Variants in CA10 observed in about 807,000 individuals in gnomAD.
The protein encoded by CA10 is carbonic anhydrase 10 (inactive), also known as carbonic anhydrase-related protein 10.
CA10 carries 14 observed loss-of-function variants against 44.2 expected under a neutral mutation model. That is an observed-to-expected ratio of 0.32 (90% CI 0.21 to 0.50). The LOEUF is 0.50. Ranked by LOEUF, CA10 falls within the 20% of genes least tolerant of loss-of-function variation. The pLI, the probability that CA10 is intolerant of heterozygous loss-of-function variation, is 0.99. For missense variants in CA10, 350 were observed against 409.7 expected (o/e 0.85, Z 1.26); for synonymous variants, 159 against 141.6 (o/e 1.12, Z -0.87).
At chr17:51,668,512 A>C (rs1175563881) in intron 4 of CA10, among the ~76,000 whole-genome samples, 1 of 152,228 alleles carries the variant, frequency 6.6e-6, no homozygotes, top group East Asian at 1.9e-4. Flanking sequence ...CTAGACTTAA[A>C]TTCAGGTCTC....
intron 1 of CA10, among the ~76,000 whole-genome samples, chr17:52,081,799 CAAAAAA>C (rs10707842): frequency 1.3e-5 from 1 of 78,330 alleles, no homozygotes; most frequent in Non-Finnish European, 2.6e-5. Flanking sequence ...GACTCCGTCT[CAAAAAA>C]AAAAAAAAAA....
At chr17:51,650,566 G>GA (rs1187929912) in intron 5 of CA10, among the ~76,000 whole-genome samples, 2 of 152,082 alleles carry the variant, frequency 1.3e-5, no homozygotes, top group Non-Finnish European at 2.9e-5. Context: ...TCCCTAAATA[G>GA]AAAAAGTCCC....
chr17:52,006,369 T>C (rs1213312627), intron 2 of CA10, among the ~76,000 whole-genome samples: 2 of 151,882 alleles, frequency 1.3e-5, no homozygotes, highest in African/African-American at 4.8e-5. Context: ...AATAAAAATT[T>C]CATAAAATTT....
At chr17:52,123,631 G>A (rs1454175732) in intron 1 of CA10, among the ~76,000 whole-genome samples, 5 of 152,128 alleles carry the variant, frequency 3.3e-5, no homozygotes, top group Middle Eastern at 3.2e-3. Context: ...GCCATTGATC[G>A]AAGCCTGACA....
At chr17:52,044,678 T>A (rs962776705) in intron 2 of CA10, among the ~76,000 whole-genome samples, 1 of 152,026 alleles carries the variant, frequency 6.6e-6, no homozygotes, top group Non-Finnish European at 1.5e-5. Context: ...AATTTAAATA[T>A]CTGAAATGAA....
intron 2 of CA10, among the ~76,000 whole-genome samples, chr17:52,047,419 T>C (rs1012374639): frequency 2.0e-5 from 3 of 152,030 alleles, no homozygotes; most frequent in Non-Finnish European, 4.4e-5. Flanking sequence ...AAATTTGAAA[T>C]TAAAGAATTT....
chr17:51,951,876 A>C (rs74665914), intron 2 of CA10, among the ~76,000 whole-genome samples: 6,140 of 152,232 alleles, frequency 0.04, 164 homozygotes, highest in South Asian at 0.12. Flanking sequence ...ATCCAGGAGG[A>C]AACATTCTGT....
At chr17:51,960,423 CA>C (rs1004834126) in intron 2 of CA10, among the ~76,000 whole-genome samples, 23 of 148,010 alleles carry the variant, frequency 1.6e-4, no homozygotes, top group Admixed American at 9.4e-4. Flanking sequence ...CCCCCACCAC[CA>C]AAAAAAAAAT....
intron 2 of CA10, among the ~76,000 whole-genome samples, chr17:52,002,860 T>C (rs1985473323): frequency 6.6e-6 from 1 of 151,966 alleles, no homozygotes; most frequent in African/African-American, 2.4e-5. Context: ...ATGAAAAAGT[T>C]GTGACTGAGA....
At chr17:51,859,614 C>T (rs1212747823) in intron 3 of CA10, among the ~76,000 whole-genome samples, 7 of 152,090 alleles carry the variant, frequency 4.6e-5, no homozygotes, top group Non-Finnish European at 7.3e-5. Context: ...GAGTTCAAGT[C>T]CTGGATCTAC....
chr17:51,978,382 ATG>A (rs56108471), intron 2 of CA10, among the ~76,000 whole-genome samples: 1,968 of 141,432 alleles, frequency 0.014, 22 homozygotes, highest in African/African-American at 0.035. Flanking sequence ...GTGTGTCTGT[ATG>A]TGTGTGTGTG....
intron 2 of CA10, among the ~76,000 whole-genome samples, chr17:51,952,938 G>C (rs1436712311): frequency 1.3e-5 from 2 of 152,070 alleles, no homozygotes; most frequent in Non-Finnish European, 2.9e-5. Flanking sequence ...GCTTTGTGGA[G>C]GTCATTCAAA....
chr17:51,913,283 G>T (rs568306081), intron 3 of CA10, among the ~76,000 whole-genome samples: 3 of 152,250 alleles, frequency 2.0e-5, no homozygotes, highest in Admixed American at 6.5e-5. Context: ...AGAAAAGCAG[G>T]GGGGAGGAAA....
chr17:51,746,523 C>T (rs1191389671), intron 4 of CA10, among the ~76,000 whole-genome samples: 1 of 152,202 alleles, frequency 6.6e-6, no homozygotes, highest in Non-Finnish European at 1.5e-5. Flanking sequence ...TTCTCCTGAC[C>T]CCTTCAAGCA....
At chr17:51,799,405 T>A (rs1906841432) in intron 3 of CA10, among the ~76,000 whole-genome samples, 2 of 152,174 alleles carry the variant, frequency 1.3e-5, no homozygotes, top group Admixed American at 1.3e-4. Flanking sequence ...TGTTTGCTCA[T>A]CTATCTGGGG....
chr17:51,947,871 T>G (rs143760088), intron 2 of CA10, among the ~76,000 whole-genome samples: 67 of 152,032 alleles, frequency 4.4e-4, no homozygotes, highest in African/African-American at 1.5e-3. Flanking sequence ...AGTTGTGAGG[T>G]TCCCCTCTTA....
At chr17:52,089,307 G>C (rs1335126047) in intron 1 of CA10, among the ~76,000 whole-genome samples, 1 of 152,212 alleles carries the variant, frequency 6.6e-6, no homozygotes, top group Non-Finnish European at 1.5e-5. Flanking sequence ...ATGTGTGAAA[G>C]TGTCACCACA....
chr17:51,632,755 C>A (rs1351650139), intron 8 of CA10, among the ~76,000 whole-genome samples: 1 of 152,200 alleles, frequency 6.6e-6, no homozygotes, highest in East Asian at 1.9e-4. Flanking sequence ...CTTCCTCCAT[C>A]TTTCTTTCCA....
At chr17:51,726,191 T>C (rs1916515378) in intron 4 of CA10, among the ~76,000 whole-genome samples, 1 of 152,180 alleles carries the variant, frequency 6.6e-6, no homozygotes, top group South Asian at 2.1e-4. Context: ...TCATTCTCTG[T>C]TTATGTAAAT....
Sources: allele counts gnomAD v4.1 joint callset (sites outside exome capture counted in the v4.1 genomes callset), GRCh38; gene constraint gnomAD v4.1.1; transcripts MANE v1.5; gene names NCBI Gene and HGNC (gene_info 2026-07-23, HGNC 2026-07-21).